The following ACACA variants were observed in gnomAD, a reference collection of about 807,000 sequenced individuals.
ACACA encodes the protein acetyl-CoA carboxylase alpha.
In ACACA, 103 loss-of-function variants were observed where a neutral mutation model predicts 296.1. That is an observed-to-expected ratio of 0.35 (90% CI 0.30 to 0.41). ACACA has a LOEUF of 0.41. Ranked by LOEUF, ACACA falls within the 10% of genes least tolerant of loss-of-function variation. The pLI is 1.00. For synonymous variants in ACACA, 953 were observed against 1,038.6 expected (o/e 0.92, Z 1.58); for missense variants, 1,554 against 2,989.7 (o/e 0.52, Z 11.20).
At chr17:37,318,672 G>A (rs2047206053) in intron 3 of ACACA, among the ~76,000 whole-genome samples, 1 of 152,080 alleles carries the variant, frequency 6.6e-6, no homozygotes, top group Non-Finnish European at 1.5e-5. Context: ...GACTTAAAGA[G>A]GTTTTTCCAG....
chr17:37,221,980 C>T (rs537236257), intron 28 of ACACA, 138 bp from the exon 29 acceptor site: 234 of 715,842 alleles, frequency 3.3e-4, no homozygotes, highest in Non-Finnish European at 4.8e-4. Context: ...CCTATGTATA[C>T]GTACATATAT....
rs990248544 is a variant in ACACA, at chr17:37,295,958, A to C, written c.339-10988T>G. Among the ~76,000 whole-genome samples, 30 of 152,084 alleles carry C rather than the reference A, an allele frequency of 2.0e-4. 1 individual carries two copies. Among genetic ancestry groups the C allele is most frequent in the Non-Finnish European group, 1.2e-4 (8 of 68,002 alleles). On this transcript the variant is annotated intron_variant, in intron 3 of 55. Coordinates refer to ENST00000616317, the MANE Select transcript of ACACA (RefSeq NM_198834.3). Reference sequence around the variant, plus strand: ...AAAAAATTAAAATAAAAAATAAAAAAAAGAAAATGAAAGCACACTCTACAG... The same window carrying C: ...AAAAAATTAAAATAAAAAATAAAAACAAGAAAATGAAAGCACACTCTACAG...
At chr17:37,163,571 T>C (rs757835491) in intron 41 of ACACA, among the ~76,000 whole-genome samples, 1 of 152,214 alleles carries the variant, frequency 6.6e-6, no homozygotes, top group Non-Finnish European at 1.5e-5. Flanking sequence ...TGTACACTTT[T>C]CATGATCCAG....
At chr17:37,309,418 C>T (rs2084029791) in intron 3 of ACACA, among the ~76,000 whole-genome samples, 1 of 151,866 alleles carries the variant, frequency 6.6e-6, no homozygotes, top group Admixed American at 6.6e-5. Context: ...GCTCATGTTA[C>T]AGTATAATGG....
At chr17:37,395,865 G>C (rs938759651) in intron 1 of ACACA, among the ~76,000 whole-genome samples, 1 of 152,192 alleles carries the variant, frequency 6.6e-6, no homozygotes, top group African/African-American at 2.4e-5. Context: ...TTAAAGGGTT[G>C]ATGTCACCCC....
intron 54 of ACACA, among the ~76,000 whole-genome samples, chr17:37,092,321 C>T (rs189542641): frequency 4.0e-5 from 6 of 151,622 alleles, no homozygotes; most frequent in African/African-American, 1.5e-4. Flanking sequence ...AGTATTCCAG[C>T]GTGGACTTTA....
At chr17:37,300,116 C>G (rs1446944100) in intron 3 of ACACA, among the ~76,000 whole-genome samples, 2 of 152,094 alleles carry the variant, frequency 1.3e-5, no homozygotes, top group Non-Finnish European at 2.9e-5. Context: ...GGAGCTGGTA[C>G]AAAACGGATA....
At chr17:37,386,202 GC>G in intron 1 of ACACA, 1 of 922,296 alleles carries the variant, frequency 1.1e-6, no homozygotes, top group Non-Finnish European at 1.6e-6. Context: ...AACATTTTTA[GC>G]CCCAGCGTTA....
At chr17:37,119,149 G>C (rs2074397146) in intron 50 of ACACA, among the ~76,000 whole-genome samples, 1 of 152,156 alleles carries the variant, frequency 6.6e-6, no homozygotes, top group Non-Finnish European at 1.5e-5. Context: ...ATCTAATGCT[G>C]AATGAACCTC....
intron 1 of ACACA, among the ~76,000 whole-genome samples, chr17:37,348,623 A>T (rs1264504293): frequency 4.6e-5 from 7 of 152,168 alleles, no homozygotes; most frequent in Non-Finnish European, 1.5e-5. Flanking sequence ...CAGACAGCAA[A>T]ATCTCAAAAT....
chr17:37,213,331 G>A (rs2078839632), intron 29 of ACACA, among the ~76,000 whole-genome samples: 1 of 146,960 alleles, frequency 6.8e-6, no homozygotes, highest in Non-Finnish European at 1.5e-5. Flanking sequence ...CTCCAGCCTG[G>A]GTGACAAAGT....
chr17:37,260,755 G>C (rs576700101), intron 11 of ACACA, among the ~76,000 whole-genome samples: 2 of 152,022 alleles, frequency 1.3e-5, no homozygotes, highest in South Asian at 4.2e-4. Flanking sequence ...GAAAAGAAAA[G>C]AAAGAAAAAG....
At chr17:37,385,351 T>G (rs1022037960) in intron 1 of ACACA, among the ~76,000 whole-genome samples, 3 of 152,084 alleles carry the variant, frequency 2.0e-5, no homozygotes, top group Non-Finnish European at 1.5e-5. Flanking sequence ...CATGCACCTG[T>G]AGTCTCAGCT....
chr17:37,267,994 T>C (rs765204663), intron 10 of ACACA, among the ~76,000 whole-genome samples: 2 of 152,056 alleles, frequency 1.3e-5, no homozygotes, highest in Non-Finnish European at 2.9e-5. Flanking sequence ...CCCCTGATAT[T>C]GACTTCTTAA....
intron 1 of ACACA, among the ~76,000 whole-genome samples, chr17:37,380,301 G>A (rs1371308291): frequency 1.3e-5 from 2 of 149,422 alleles, no homozygotes; most frequent in Non-Finnish European, 3.0e-5. Flanking sequence ...GGGAGGGATA[G>A]CATCGGGAGA....
At chr17:37,112,312 AAT>A (rs1411111187) in intron 51 of ACACA, among the ~76,000 whole-genome samples, 1 of 151,684 alleles carries the variant, frequency 6.6e-6, no homozygotes, top group Admixed American at 6.6e-5. Context: ...AATTATAGAT[AAT>A]GTTTACTATG....
chr17:37,353,078 T>C (rs186782523), intron 1 of ACACA, among the ~76,000 whole-genome samples: 2 of 152,330 alleles, frequency 1.3e-5, no homozygotes, highest in East Asian at 1.9e-4. Flanking sequence ...CCTTAGGTAC[T>C]TTCCAGTACT....
intron 3 of ACACA, among the ~76,000 whole-genome samples, chr17:37,296,323 T>TG (rs2083327733): frequency 7.6e-6 from 1 of 131,792 alleles, no homozygotes; most frequent in Non-Finnish European, 1.6e-5. Flanking sequence ...TTTTTTTTTT[T>TG]GAGACAGAGT....
At chr17:37,223,442 A>C in intron 28 of ACACA, 70 bp downstream of exon 28, 1 of 1,271,812 alleles carries the variant, frequency 7.9e-7, no homozygotes, top group Non-Finnish European at 1.2e-6. Flanking sequence ...CTGACATGGC[A>C]GCCAAATAGA....
Sources: gnomAD v4.1 joint callset for allele counts (sites outside exome capture counted in the v4.1 genomes callset) on GRCh38, gnomAD v4.1.1 for gene constraint, MANE v1.5 for transcripts, NCBI Gene and HGNC (gene_info 2026-07-23, HGNC 2026-07-21) for gene names.